HDAC9: variants seen among roughly 807,000 people sequenced by gnomAD.
HDAC9 encodes the protein histone deacetylase 9.
A neutral mutation model predicts 139.4 loss-of-function variants in HDAC9; 41 were observed. The ratio of observed to expected loss-of-function variants is 0.29; its 90% CI spans 0.23 to 0.38. The LOEUF is 0.38. Among genes scored for constraint, HDAC9 ranks in the 10% least tolerant of loss-of-function variants. The pLI is 1.00. For missense variants in HDAC9, 1,147 were observed against 1,297.0 expected (o/e 0.88, Z 1.78); for synonymous variants, 517 against 476.2 (o/e 1.09, Z -1.12).
chr7:18,538,966 G>C (rs1233566084), intron 2 of HDAC9, among the ~76,000 whole-genome samples: 1 of 152,188 alleles, frequency 6.6e-6, no homozygotes, highest in Non-Finnish European at 1.5e-5. Flanking sequence ...GAGAGGGCAA[G>C]AGCATGCCAG....
intron 14 of HDAC9, among the ~76,000 whole-genome samples, chr7:18,760,412 T>C (rs749657869): frequency 2.0e-5 from 3 of 152,184 alleles, no homozygotes; most frequent in Admixed American, 6.6e-5. Context: ...TATTGAATGT[T>C]TCCCAGCAAG....
At chr7:18,625,782 T>G (rs1207657116) in intron 6 of HDAC9, among the ~76,000 whole-genome samples, 3 of 151,368 alleles carry the variant, frequency 2.0e-5, no homozygotes, top group African/African-American at 7.3e-5. Flanking sequence ...CTGTCTTTAC[T>G]AAGAATACAA....
At chr7:18,311,824 G>A (rs960973702) in intron 1 of HDAC9, among the ~76,000 whole-genome samples, 4 of 152,168 alleles carry the variant, frequency 2.6e-5, no homozygotes, top group African/African-American at 9.6e-5. Flanking sequence ...GTAGACTGGC[G>A]TTAGAGCTAC....
At chr7:18,414,320 A>C (rs1306349503) in intron 1 of HDAC9, among the ~76,000 whole-genome samples, 1 of 152,176 alleles carries the variant, frequency 6.6e-6, no homozygotes, top group African/African-American at 2.4e-5. Flanking sequence ...GGACAAAAAA[A>C]GACAAAAAGT....
intron 1 of HDAC9, among the ~76,000 whole-genome samples, chr7:18,435,906 TATATA>T (rs1585885132): frequency 6.8e-6 from 1 of 148,142 alleles, no homozygotes; most frequent in African/African-American, 2.5e-5. Context: ...TATAATAAAA[TATATA>T]ATATATAAAG....
intron 11 of HDAC9, among the ~76,000 whole-genome samples, chr7:18,649,055 A>T (rs1387269046): frequency 6.6e-6 from 1 of 152,188 alleles, no homozygotes; most frequent in South Asian, 2.1e-4. Context: ...TGTACAGGTG[A>T]TGACAGATAG....
intron 6 of HDAC9, among the ~76,000 whole-genome samples, chr7:18,605,469 C>G (rs1356145119): frequency 1.3e-5 from 2 of 152,144 alleles, no homozygotes; most frequent in African/African-American, 4.8e-5. Flanking sequence ...TATGAAGAAT[C>G]CTTCGTGTGT....
intron 24 of HDAC9, among the ~76,000 whole-genome samples, chr7:18,959,235 T>C (rs935424797): frequency 6.6e-6 from 1 of 152,128 alleles, no homozygotes; most frequent in East Asian, 1.9e-4. Context: ...AAAAGTAAAT[T>C]TATTTAGTTT....
intron 17 of HDAC9, among the ~76,000 whole-genome samples, chr7:18,825,565 G>C (rs530557076): frequency 2.2e-4 from 34 of 152,008 alleles, no homozygotes; most frequent in South Asian, 6.2e-4. Context: ...AGAAATTAGA[G>C]GTTGATAACT....
intron 1 of HDAC9, among the ~76,000 whole-genome samples, chr7:18,105,891 G>A (rs763062028): frequency 6.6e-5 from 10 of 152,158 alleles, no homozygotes; most frequent in Non-Finnish European, 1.2e-4. Context: ...ATATTACTAG[G>A]TAATCAAAAA....
chr7:18,996,122 C>A lies in HDAC9; in HGVS notation c.*60C>A, dbSNP rs1786446857. 1 of 1,255,002 alleles carries A rather than the reference C, an allele frequency of 8.0e-7. No individual in the cohort carries two copies. The allele number at this position is 1,255,002 out of a possible 1,614,324, so 77.7% of individuals were successfully genotyped here. A position where few individuals can be genotyped will look rare whatever the true frequency, so the allele number is the denominator to read the frequency against. On this transcript the variant is annotated 3_prime_UTR_variant, in exon 26 of 26. Transcript: ENST00000686413. ...GACATCATTGTGTATCCCCCCACCC[C>A]AGTACCCTCAGACATGTCTTGTCTG...
chr7:18,750,736 A>C (rs555347458), intron 14 of HDAC9, among the ~76,000 whole-genome samples: 1 of 152,334 alleles, frequency 6.6e-6, no homozygotes, highest in South Asian at 2.1e-4. Flanking sequence ...TGGAGTCCAT[A>C]AAGTAGACCA....
chr7:18,929,745 G>T (rs913386738), intron 22 of HDAC9, among the ~76,000 whole-genome samples: 2 of 152,032 alleles, frequency 1.3e-5, no homozygotes, highest in Admixed American at 6.6e-5. Context: ...AGACTATCCT[G>T]GCCAACCAAC....
intron 9 of HDAC9, among the ~76,000 whole-genome samples, chr7:18,647,500 A>C (rs1441307543): frequency 6.6e-6 from 1 of 152,088 alleles, no homozygotes; most frequent in Non-Finnish European, 1.5e-5. Context: ...TATTCTTTCC[A>C]CCTAAAATTG....
At chr7:18,740,292 C>G (rs149416881) in intron 13 of HDAC9, among the ~76,000 whole-genome samples, 2 of 152,320 alleles carry the variant, frequency 1.3e-5, no homozygotes, top group African/African-American at 4.8e-5. Flanking sequence ...TCCAACCAGT[C>G]TTATTGAGAT....
chr7:18,235,428 A>G (rs777636152), intron 2 of HDAC9, among the ~76,000 whole-genome samples: 2 of 152,166 alleles, frequency 1.3e-5, no homozygotes, highest in Non-Finnish European at 2.9e-5. Context: ...TACCAACTTA[A>G]TGTCACTGAA....
chr7:18,477,664 T>C (rs1795219681), intron 1 of HDAC9, among the ~76,000 whole-genome samples: 1 of 152,226 alleles, frequency 6.6e-6, no homozygotes, highest in Admixed American at 6.5e-5. Flanking sequence ...GAGGAGCTTA[T>C]CATTTGACAA....
intron 1 of HDAC9, among the ~76,000 whole-genome samples, chr7:18,158,061 C>CCTAGG (rs1787356484): frequency 6.6e-6 from 1 of 151,988 alleles, no homozygotes; most frequent in Non-Finnish European, 1.5e-5. Flanking sequence ...TTTGGCTTGC[C>CCTAGG]CTAGCCATGA....
At chr7:18,789,181 A>C (rs2129176466) in intron 16 of HDAC9, among the ~76,000 whole-genome samples, 1 of 152,108 alleles carries the variant, frequency 6.6e-6, no homozygotes, top group East Asian at 1.9e-4. Flanking sequence ...TTGAAGCAAA[A>C]TCCTGTTTTG....
Sources: allele counts gnomAD v4.1 joint callset (sites outside exome capture counted in the v4.1 genomes callset), GRCh38; gene constraint gnomAD v4.1.1; transcripts MANE v1.5; gene names NCBI Gene and HGNC (gene_info 2026-07-23, HGNC 2026-07-21).